COL15A1: variants seen among roughly 807,000 people sequenced by gnomAD.
The protein encoded by COL15A1 is collagen type XV alpha 1 chain.
A neutral mutation model predicts 165.9 loss-of-function variants in COL15A1; 111 were observed. The observed-to-expected ratio is 0.67, with a 90% confidence interval of 0.57 to 0.78. The LOEUF (loss-of-function observed/expected upper bound fraction) is 0.78, where lower values mean the gene tolerates loss of function less well. Ranked by LOEUF, COL15A1 falls within the 30% of genes least tolerant of loss-of-function variation. The pLI is 0.00. For missense variants in COL15A1, 1,745 were observed against 1,789.7 expected (o/e 0.98, Z 0.45); for synonymous variants, 659 against 674.8 (o/e 0.98, Z 0.36).
rs539491710 is a variant in COL15A1 at position 99,041,055 on chromosome 9, A to G, written c.2511+499A>G. Reference sequence around the variant, plus strand: ...TTCAGAGCACACTTTCCTCTAAATGAGTGGTCCTGTGTTCCTGAGGGAGTC... The same window carrying G: ...TTCAGAGCACACTTTCCTCTAAATGGGTGGTCCTGTGTTCCTGAGGGAGTC... On this transcript the variant is annotated intron_variant, in intron 23 of 41. Transcript: ENST00000375001. 90 of 165,930 alleles carry G rather than the reference A, an allele frequency of 5.4e-4. 1 individual carries two copies. Among genetic ancestry groups the G allele is most frequent in the Non-Finnish European group, 9.4e-4 (71 of 75,460 alleles). The allele number at this position is 165,930 out of a possible 1,614,324, so 10.3% of individuals were successfully genotyped here. A position where few individuals can be genotyped will look rare whatever the true frequency, so the allele number is the denominator to read the frequency against.
In COL15A1 at chr9:98,985,843, G is replaced by A; in HGVS notation, c.379G>A (p.Val127Met). ...VIYLGLRLSG[V>M]EDGHQRIILY... ...CTACCTGGGCCTGCGGCTCTCAGGT[G>A]TGGAGGACGGCCACCAGCGGATCAT... The change falls in exon 3 of 42, where the codon GTG becomes ATG. Residue 127 changes from valine (V) to methionine (M), a missense_variant. Physicochemically the swap from Val to Met is conservative, Grantham distance 21. Coordinates refer to ENST00000375001, the MANE Select transcript of COL15A1 (RefSeq NM_001855.5). 6.2e-7 allele frequency: 1 copy of A among 1,613,896 alleles called. No homozygotes were observed. Among genetic ancestry groups the A allele is most frequent in the Non-Finnish European group, 8.5e-7 (1 of 1,180,052 alleles).
Position 99,040,571 on chromosome 9 carries a change from C to G in COL15A1, c.2511+15C>G, listed in dbSNP as rs376274807. 2 of 1,614,228 alleles carry G rather than the reference C, an allele frequency of 1.2e-6. No homozygotes were observed. Among genetic ancestry groups the G allele is most frequent in the Admixed American group, 1.7e-5 (1 of 60,024 alleles). On this transcript the variant is annotated intron_variant, in intron 23 of 41. Transcript: ENST00000375001. ...CAGGATTTCCAGTAAGTACCACCCT[C>G]GCTGTCTTCTATCTGTGCCCCGTGG...
At chr9:99,042,613 T>A (rs1021704394) in intron 24 of COL15A1, among the ~76,000 whole-genome samples, 3 of 152,240 alleles carry the variant, frequency 2.0e-5, no homozygotes, top group Non-Finnish European at 4.4e-5. Context: ...ATACAAATGG[T>A]ACTGAATACA....
At chr9:99,034,423 C>G in intron 16 of COL15A1, 126 bp from the exon 17 acceptor site, 3 of 1,422,798 alleles carry the variant, frequency 2.1e-6, no homozygotes, top group Non-Finnish European at 2.8e-6. Flanking sequence ...AGACACCAAT[C>G]TGAGACAGAA....
At chr9:98,952,589 G>C (rs1262431521) in intron 2 of COL15A1, among the ~76,000 whole-genome samples, 2 of 151,748 alleles carry the variant, frequency 1.3e-5, no homozygotes, top group Non-Finnish European at 2.9e-5. Context: ...GTCTCTCTAT[G>C]TTGCCCAGGC....
Position 99,044,578 on chromosome 9 carries a change from G to T in COL15A1, c.2585G>T (p.Gly862Val). 1.2e-6 allele frequency: 2 copies of T among 1,614,104 alleles called. No homozygotes were observed. Among genetic ancestry groups the T allele is most frequent in the Non-Finnish European group, 1.7e-6 (2 of 1,180,022 alleles). The part of the protein sequence containing the change: ...PGLKGEQGEK[G>V]EPGAILTEDI... ...TTCTCTGAATTGCAGGGCGAGAAGGGAGAGCCGGGTGCCATCCTGACAGAG... is the reference window on the plus strand; with the variant it reads ...TTCTCTGAATTGCAGGGCGAGAAGGTAGAGCCGGGTGCCATCCTGACAGAG... Residue 862 changes from glycine (G) to valine (V), a missense_variant, in exon 25 of 42, where the codon GGA becomes GTA. Coordinates refer to ENST00000375001, the MANE Select transcript of COL15A1 (RefSeq NM_001855.5).
chr9:99,067,826 A>G (rs771772756), intron 40 of COL15A1, among the ~76,000 whole-genome samples: 2 of 152,190 alleles, frequency 1.3e-5, no homozygotes, highest in African/African-American at 2.4e-5. Flanking sequence ...TCTCTCTACA[A>G]GGGACCAGGC....
chr9:99,054,202 A>C (rs928440763), intron 31 of COL15A1, among the ~76,000 whole-genome samples: 2 of 152,164 alleles, frequency 1.3e-5, no homozygotes, highest in African/African-American at 4.8e-5. Flanking sequence ...AGATGAGATG[A>C]GTCTGGAAGA....
chr9:99,005,896 G>C (rs572958917), intron 9 of COL15A1, among the ~76,000 whole-genome samples: 54 of 152,164 alleles, frequency 3.5e-4, no homozygotes, highest in Admixed American at 7.9e-4. Flanking sequence ...CTTCCCTGCA[G>C]ACCCAGCTCC....
intron 9 of COL15A1, among the ~76,000 whole-genome samples, chr9:99,014,922 C>A (rs1214846270): frequency 6.6e-6 from 1 of 152,160 alleles, no homozygotes; most frequent in Non-Finnish European, 1.5e-5. Flanking sequence ...CCAAAGGAAG[C>A]AATCAGATAT....
intron 9 of COL15A1, among the ~76,000 whole-genome samples, chr9:99,006,346 A>G (rs1383433944): frequency 6.6e-6 from 1 of 152,254 alleles, no homozygotes; most frequent in Non-Finnish European, 1.5e-5. Flanking sequence ...TTCATTCCTG[A>G]CCAATGATAG....
intron 2 of COL15A1, among the ~76,000 whole-genome samples, chr9:98,964,067 C>G (rs1309423142): frequency 6.6e-6 from 1 of 152,238 alleles, no homozygotes; most frequent in East Asian, 1.9e-4. Context: ...AAAGAACATG[C>G]CCAAGATCAC....
intron 16 of COL15A1, 77 bp downstream of exon 16, chr9:99,026,043 C>A: frequency 7.2e-7 from 1 of 1,383,320 alleles, no homozygotes; most frequent in Non-Finnish European, 9.8e-7. Flanking sequence ...CTAAACCTGA[C>A]CTTGCCTCTT....
At chr9:99,040,665 G>T in intron 23 of COL15A1, 109 bp downstream of exon 23, 7 of 1,581,616 alleles carry the variant, frequency 4.4e-6, no homozygotes, top group Middle Eastern at 1.7e-4. Flanking sequence ...AGCTCCAGGG[G>T]CATCTTGTTC....
chr9:98,975,933 A>G (rs1421399145), intron 2 of COL15A1, among the ~76,000 whole-genome samples: 1 of 152,230 alleles, frequency 6.6e-6, no homozygotes, highest in African/African-American at 2.4e-5. Flanking sequence ...TGATGTCACT[A>G]GAAGGAATAG....
chr9:99,044,407 C>T (rs1839461142), intron 24 of COL15A1, among the ~76,000 whole-genome samples, 161 bp from the exon 25 acceptor site: 2 of 152,022 alleles, frequency 1.3e-5, no homozygotes, highest in East Asian at 1.9e-4. Flanking sequence ...AATTTTGGAG[C>T]AGTGGGGTTT....
At chr9:99,062,490 T>C (rs1825833511) in intron 38 of COL15A1, among the ~76,000 whole-genome samples, 186 bp downstream of exon 38, 2 of 152,206 alleles carry the variant, frequency 1.3e-5, no homozygotes, top group Non-Finnish European at 2.9e-5. Flanking sequence ...GAGGAATAAC[T>C]AGATCCAGAG....
At chr9:98,974,224 G>A (rs1461649191) in intron 2 of COL15A1, among the ~76,000 whole-genome samples, 5 of 152,194 alleles carry the variant, frequency 3.3e-5, no homozygotes, top group African/African-American at 9.7e-5. Flanking sequence ...GAGTGGAGAT[G>A]AGCAGGTGGA....
chr9:99,049,551 G>T, intron 28 of COL15A1, 139 bp from the exon 29 acceptor site: 1 of 981,936 alleles, frequency 1.0e-6, no homozygotes, highest in Non-Finnish European at 1.5e-6. Flanking sequence ...AGTGCTCTGT[G>T]GCTCCCTGAG....
Sources: gnomAD v4.1 joint callset for allele counts (sites outside exome capture counted in the v4.1 genomes callset) on GRCh38, gnomAD v4.1.1 for gene constraint, MANE v1.5 for transcripts, NCBI Gene and HGNC (gene_info 2026-07-23, HGNC 2026-07-21) for gene names.